The following COMMD10 variants were observed in gnomAD, a reference collection of about 807,000 sequenced individuals.
The protein encoded by COMMD10 is COMM domain containing 10.
COMMD10 carries 33 observed loss-of-function variants against 28.9 expected under a neutral mutation model. The ratio of observed to expected loss-of-function variants is 1.14; its 90% CI spans 0.87 to 1.53. COMMD10 has a LOEUF of 1.53. COMMD10 is among the 40% of genes most tolerant of loss of function. COMMD10 has a pLI of 0.00. For synonymous variants in COMMD10, 110 were observed against 81.7 expected (o/e 1.35, Z -1.87); for missense variants, 310 against 233.4 (o/e 1.33, Z -2.14).
At chr5:116,191,057 A>G (rs1748353850) in intron 5 of COMMD10, among the ~76,000 whole-genome samples, 1 of 152,190 alleles carries the variant, frequency 6.6e-6, no homozygotes, top group Non-Finnish European at 1.5e-5. Context: ...TCTGTCAAAC[A>G]TGAATGAAAA....
chr5:116,219,785 T>G (rs1162861964), intron 5 of COMMD10, among the ~76,000 whole-genome samples: 1 of 152,240 alleles, frequency 6.6e-6, no homozygotes, highest in Non-Finnish European at 1.5e-5. Flanking sequence ...CTTTTCTGTG[T>G]CTAATGATGT....
At chr5:116,263,838 C>G (rs1750514573) in intron 5 of COMMD10, among the ~76,000 whole-genome samples, 1 of 151,698 alleles carries the variant, frequency 6.6e-6, no homozygotes, top group South Asian at 2.1e-4. Flanking sequence ...TCATGCCTCC[C>G]TAAAAATATA....
chr5:116,292,361 T>C, intron 6 of COMMD10, 90 bp from the exon 7 acceptor site: 1 of 713,946 alleles, frequency 1.4e-6, no homozygotes, highest in Non-Finnish European at 2.1e-6. Context: ...TGCTATTTTT[T>C]CCTTTCTATT....
chr5:116,164,882 A>T (rs1753041664), intron 5 of COMMD10, among the ~76,000 whole-genome samples: 1 of 152,154 alleles, frequency 6.6e-6, no homozygotes, highest in Admixed American at 6.5e-5. Flanking sequence ...GAGGATGAAG[A>T]GGAGGTATAG....
intron 5 of COMMD10, among the ~76,000 whole-genome samples, chr5:116,148,887 C>T (rs543491816): frequency 6.6e-6 from 1 of 151,870 alleles, no homozygotes; most frequent in African/African-American, 2.4e-5. Context: ...TTTTAGGGTA[C>T]ATGTGCACAA....
chr5:116,149,955 G>A (rs1392045186), intron 5 of COMMD10, among the ~76,000 whole-genome samples: 1 of 152,074 alleles, frequency 6.6e-6, no homozygotes, highest in Non-Finnish European at 1.5e-5. Context: ...GAATGGTATT[G>A]CCTAGGTTTT....
intron 4 of COMMD10, among the ~76,000 whole-genome samples, chr5:116,125,413 A>G (rs1005186411): frequency 6.6e-6 from 1 of 152,126 alleles, no homozygotes; most frequent in African/African-American, 2.4e-5. Context: ...TTCTACTGAG[A>G]GATGCGCTGT....
At chr5:116,185,970 A>G (rs62384212) in intron 5 of COMMD10, among the ~76,000 whole-genome samples, 16,069 of 152,134 alleles carry the variant, frequency 0.11, 953 homozygotes, top group African/African-American at 0.15. Flanking sequence ...ACTGCCATCA[A>G]GCATTTTTGG....
intron 5 of COMMD10, among the ~76,000 whole-genome samples, chr5:116,274,144 C>G (rs902621482): frequency 6.6e-6 from 1 of 151,784 alleles, no homozygotes; most frequent in Non-Finnish European, 1.5e-5. Flanking sequence ...TGCACTTACA[C>G]TGTATTCAGT....
intron 5 of COMMD10, among the ~76,000 whole-genome samples, chr5:116,265,525 TACTC>T (rs938074520): frequency 2.0e-5 from 3 of 151,720 alleles, no homozygotes; most frequent in African/African-American, 7.3e-5. Flanking sequence ...GTGTTTTCCT[TACTC>T]ACCATTTTCC....
At chr5:116,103,889 C>A (rs938985817) in intron 4 of COMMD10, among the ~76,000 whole-genome samples, 2 of 152,142 alleles carry the variant, frequency 1.3e-5, no homozygotes, top group African/African-American at 4.8e-5. Flanking sequence ...TTCCCAGCAC[C>A]ATTTATTACA....
At chr5:116,207,639 C>T (rs924833116) in intron 5 of COMMD10, among the ~76,000 whole-genome samples, 3 of 152,098 alleles carry the variant, frequency 2.0e-5, no homozygotes, top group African/African-American at 7.2e-5. Context: ...GATTCTTATG[C>T]CTCAGCCTCC....
chr5:116,180,287 T>G (rs1747912456), intron 5 of COMMD10, among the ~76,000 whole-genome samples: 1 of 152,166 alleles, frequency 6.6e-6, no homozygotes, highest in Non-Finnish European at 1.5e-5. Context: ...TAATACAAAT[T>G]AGCAATAGTA....
intron 5 of COMMD10, among the ~76,000 whole-genome samples, chr5:116,135,987 G>A (rs1268970900): frequency 1.3e-5 from 2 of 152,136 alleles, no homozygotes; most frequent in African/African-American, 4.8e-5. Context: ...TATATGTAAA[G>A]TGTTTAGTCC....
At chr5:116,184,914 T>C (rs10063312) in intron 5 of COMMD10, among the ~76,000 whole-genome samples, 76,518 of 151,892 alleles carry the variant, frequency 0.5, 21,950 homozygotes, top group Non-Finnish European at 0.65. Context: ...TTATTAACTT[T>C]GTGACTTTAG....
chr5:116,104,499 T>C (rs1217013047), intron 4 of COMMD10, among the ~76,000 whole-genome samples: 2 of 152,236 alleles, frequency 1.3e-5, no homozygotes. Flanking sequence ...TGATTTTGTA[T>C]CCTGAGACTT....
chr5:116,165,556 C>A (rs1009196553), intron 5 of COMMD10, among the ~76,000 whole-genome samples: 1 of 151,920 alleles, frequency 6.6e-6, no homozygotes, highest in African/African-American at 2.4e-5. Context: ...CTTGTAGATG[C>A]CTGTCTGCCT....
chr5:116,234,458 A>C (rs960355445), intron 5 of COMMD10, among the ~76,000 whole-genome samples: 4 of 152,232 alleles, frequency 2.6e-5, no homozygotes, highest in Admixed American at 6.5e-5. Flanking sequence ...CATTGTTTAC[A>C]TAAATTCTCA....
intron 5 of COMMD10, among the ~76,000 whole-genome samples, chr5:116,205,948 C>A (rs1403294370): frequency 6.6e-6 from 1 of 151,022 alleles, no homozygotes; most frequent in African/African-American, 2.4e-5. Flanking sequence ...GATTCTTTTT[C>A]CTCCCTTGTT....
Sources: gnomAD v4.1 joint callset for allele counts (sites outside exome capture counted in the v4.1 genomes callset) on GRCh38, gnomAD v4.1.1 for gene constraint, MANE v1.5 for transcripts, NCBI Gene and HGNC (gene_info 2026-07-23, HGNC 2026-07-21) for gene names.